Variants in CACNA1C observed in about 807,000 individuals in gnomAD.
CACNA1C encodes voltage-dependent L-type calcium channel subunit alpha-1C.
Under a neutral mutation model 229.0 loss-of-function variants are expected in CACNA1C, and 30 were observed. The ratio of observed to expected loss-of-function variants is 0.13; its 90% CI spans 0.10 to 0.18. The LOEUF (loss-of-function observed/expected upper bound fraction) is 0.18. Among genes scored for constraint, CACNA1C ranks in the 10% least tolerant of loss-of-function variants. The pLI is 1.00. For missense variants in CACNA1C, 1,658 were observed against 2,845.0 expected (o/e 0.58, Z 9.49); for synonymous variants, 1,114 against 1,132.5 (o/e 0.98, Z 0.33).
intron 18 of CACNA1C, among the ~76,000 whole-genome samples, chr12:2,587,570 G>C (rs537655245): frequency 3.3e-5 from 5 of 152,134 alleles, no homozygotes; most frequent in Admixed American, 1.3e-4. Flanking sequence ...TTTCTTTGTT[G>C]CTCTAATGAA....
chr12:2,535,580 C>G (rs998617396), intron 9 of CACNA1C, among the ~76,000 whole-genome samples: 53 of 150,362 alleles, frequency 3.5e-4, no homozygotes, highest in African/African-American at 1.3e-3. Context: ...GTTGTGTGGG[C>G]CTGTAATCCT....
At chr12:2,020,011 TTC>T (rs1266013612) in intron 1 of CACNA1C, 2 of 152,208 alleles carry the variant, frequency 1.3e-5, no homozygotes, top group East Asian at 3.8e-4. Context: ...AGAGAACTTT[TTC>T]TCTCTCTTTC....
chr12:2,311,714 G>C (rs781507724), intron 3 of CACNA1C, among the ~76,000 whole-genome samples: 1 of 152,198 alleles, frequency 6.6e-6, no homozygotes, highest in Non-Finnish European at 1.5e-5. Context: ...TTCATGGTGG[G>C]CCTGCAGAGA....
At chr12:2,334,533 G>A (rs184367018) in intron 3 of CACNA1C, among the ~76,000 whole-genome samples, 7 of 152,292 alleles carry the variant, frequency 4.6e-5, no homozygotes, top group Admixed American at 1.3e-4. Flanking sequence ...AGCCAGGCAC[G>A]GTGGTTCACG....
intron 3 of CACNA1C, among the ~76,000 whole-genome samples, chr12:2,219,313 C>T (rs955768068): frequency 6.6e-6 from 1 of 152,210 alleles, no homozygotes; most frequent in African/African-American, 2.4e-5. Flanking sequence ...TCCTTCTTGA[C>T]TCCTGTTACT....
intron 3 of CACNA1C, among the ~76,000 whole-genome samples, chr12:2,208,381 G>T (rs1400113410): frequency 6.6e-6 from 1 of 152,228 alleles, no homozygotes; most frequent in Non-Finnish European, 1.5e-5. Context: ...GGTTGCTGTG[G>T]CTTTGGCTAG....
intron 3 of CACNA1C, among the ~76,000 whole-genome samples, chr12:2,358,225 G>C (rs1019312798): frequency 4.6e-5 from 7 of 150,904 alleles, no homozygotes; most frequent in Non-Finnish European, 7.4e-5. Context: ...CTGCCACCAG[G>C]CTGGCCTAAA....
In CACNA1C at chr12:2,285,810, G is replaced by A. The variant is rs1005179237; in HGVS notation, c.478-163166G>A. Among the ~76,000 whole-genome samples the A allele has an allele frequency of 5.3e-5, 8 of 152,312 alleles. No homozygotes were observed. The highest frequency in any genetic ancestry group is 1.9e-4 in the African/African-American group (8 of 41,566). ...CGGCTTTTTGGGCGGCAGTGGAAGGGAGTGTTTTATTAGGAATTTACGTTA... is the reference window on the plus strand; with the variant it reads ...CGGCTTTTTGGGCGGCAGTGGAAGGAAGTGTTTTATTAGGAATTTACGTTA... On this transcript the variant is annotated intron_variant, in intron 3 of 46. Transcript: ENST00000399655. This position sits in a 1 kb window ranked among gnomAD's most constrained non-coding sequence, Gnocchi z 4.2.
intron 1 of CACNA1C, among the ~76,000 whole-genome samples, chr12:2,042,881 G>A (rs1398637988): frequency 6.6e-6 from 1 of 152,190 alleles, no homozygotes; most frequent in Non-Finnish European, 1.5e-5. Context: ...GAAATTGTTA[G>A]CATGTTCTTG....
intron 30 of CACNA1C, among the ~76,000 whole-genome samples, chr12:2,635,864 A>ATG (rs912582751): frequency 6.6e-6 from 1 of 151,822 alleles, no homozygotes; most frequent in African/African-American, 2.4e-5. Flanking sequence ...GCATGTGTGT[A>ATG]TGTGTGTGAG....
chr12:2,290,277 C>A (rs753408715), intron 3 of CACNA1C, among the ~76,000 whole-genome samples: 1 of 152,134 alleles, frequency 6.6e-6, no homozygotes, highest in Non-Finnish European at 1.5e-5. Context: ...GGATTGGGGG[C>A]AGGGTATGAT....
In CACNA1C at chr12:2,696,865, C is replaced by T. The variant is rs2097846013; in HGVS notation, c.*5666C>T. Reference sequence around the variant, plus strand: ...GGTTTCAGGGACCCCCTTGAAGAAACCTCTCCTGGCCATTGGCCAGGAGAA... The same window carrying T: ...GGTTTCAGGGACCCCCTTGAAGAAATCTCTCCTGGCCATTGGCCAGGAGAA... On this transcript the variant is annotated 3_prime_UTR_variant, in exon 47 of 47. Coordinates refer to ENST00000399655, the MANE Select transcript of CACNA1C (RefSeq NM_000719.7). 1 of 151,988 alleles carries T rather than the reference C, an allele frequency of 6.6e-6. No individual in the cohort carries two copies. The highest frequency in any genetic ancestry group is 1.5e-5 in the Non-Finnish European group (1 of 68,026). 9.4% of individuals were successfully genotyped at this position (151,988 alleles called of 1,614,324 possible).
At chr12:2,028,000 T>C (rs997745494) in intron 1 of CACNA1C, among the ~76,000 whole-genome samples, 1 of 152,172 alleles carries the variant, frequency 6.6e-6, no homozygotes, top group Admixed American at 6.5e-5. Flanking sequence ...CTTGGTATGA[T>C]CCCCTCATGC....
At chr12:2,143,884 T>A (rs2094488852) in intron 3 of CACNA1C, among the ~76,000 whole-genome samples, 1 of 150,840 alleles carries the variant, frequency 6.6e-6, no homozygotes, top group African/African-American at 2.4e-5. Flanking sequence ...CCCTTTCGAT[T>A]TGCTATTTCC....
At chr12:2,041,467 G>A (rs1032255837) in intron 1 of CACNA1C, among the ~76,000 whole-genome samples, 4 of 151,820 alleles carry the variant, frequency 2.6e-5, no homozygotes, top group Non-Finnish European at 4.4e-5. Flanking sequence ...TAGTAGAGAC[G>A]GGGTTTCACC....
chr12:2,085,966 C>A (rs2067488649), intron 1 of CACNA1C, among the ~76,000 whole-genome samples: 1 of 152,176 alleles, frequency 6.6e-6, no homozygotes, highest in Non-Finnish European at 1.5e-5. Flanking sequence ...GCCTTTCACT[C>A]CTTCTAGTCA....
chr12:2,261,224 T>TC (rs559634125), intron 3 of CACNA1C, among the ~76,000 whole-genome samples: 1 of 150,572 alleles, frequency 6.6e-6, no homozygotes, highest in South Asian at 2.1e-4. Context: ...AGAGCGAGAC[T>TC]CCGTCTCAAA....
In CACNA1C at chr12:2,181,817, A is replaced by G. The variant is rs2096848658; in HGVS notation, c.477+61387A>G. ...AGAACACTGGAGCTTAGCGAGGGTA[A>G]GTAATGGACTGCAAGGACACTCTGT... On this transcript the variant is annotated intron_variant, in intron 3 of 46. Coordinates refer to ENST00000399655, the MANE Select transcript of CACNA1C (RefSeq NM_000719.7). This position sits in a 1 kb window ranked among gnomAD's most constrained non-coding sequence, Gnocchi z 4.0. Among the ~76,000 whole-genome samples, 1 of 152,110 alleles carries G rather than the reference A, an allele frequency of 6.6e-6. No homozygotes were observed. The highest frequency in any genetic ancestry group is 6.5e-5 in the Admixed American group (1 of 15,274).
chr12:2,101,821 T>C (rs564444685), intron 1 of CACNA1C, among the ~76,000 whole-genome samples: 1 of 151,802 alleles, frequency 6.6e-6, no homozygotes, highest in East Asian at 1.9e-4. Context: ...ACAAGGTCGC[T>C]GCCTCCTGTG....
Sources: allele counts gnomAD v4.1 joint callset (sites outside exome capture counted in the v4.1 genomes callset), GRCh38; gene constraint gnomAD v4.1.1; non-coding constraint Gnocchi (gnomAD v3.1); transcripts MANE v1.5; gene names NCBI Gene and HGNC (gene_info 2026-07-23, HGNC 2026-07-21).